Variants in MS4A4E observed in about 807,000 individuals in gnomAD.
The protein encoded by MS4A4E is membrane spanning 4-domains A4E, also known as putative membrane-spanning 4-domains subfamily A member 4E.
A neutral mutation model predicts 13.3 loss-of-function variants in MS4A4E; 23 were observed. That is an observed-to-expected ratio of 1.73 (90% CI 1.25 to 2.45). The LOEUF (loss-of-function observed/expected upper bound fraction) is 2.45. Ranked by LOEUF, MS4A4E falls within the 30% of genes most tolerant of loss-of-function variation. The pLI, the probability that MS4A4E is intolerant of heterozygous loss-of-function variation, is 0.00. For missense variants in MS4A4E, 144 were observed against 131.2 expected (o/e 1.10, Z -0.48); for synonymous variants, 36 against 45.6 (o/e 0.79, Z 0.85).
At chr11:60,215,995 A>T (rs1429841612) in intron 3 of MS4A4E, among the ~76,000 whole-genome samples, 4 of 152,172 alleles carry the variant, frequency 2.6e-5, no homozygotes, top group Non-Finnish European at 5.9e-5. Flanking sequence ...CTTAACAAAG[A>T]ATGTGAAACA....
rs1437263462 is a variant in MS4A4E at position 60,201,571 on chromosome 11, C to T, written c.968G>A (p.Ser323Asn). The stretch of plus-strand genomic sequence containing the variant: ...GAAGATGGGCGGCCGGGCGGAGACA[C>T]TCCTCACCTCCCAGATGGGATGGTG... ...PGHHPIWEVR[S>N]VSARPPIF Residue 323 changes from serine to asparagine, a missense_variant, in exon 9 of 9, where the codon AGT becomes AAT. By Grantham distance (46) the Ser-to-Asn change is conservative. This residue lies in a region of MS4A4E where 21 missense variants were observed against 25.1 expected (regional missense o/e 0.84). Transcript: ENST00000651255. 1 of 321,390 alleles carries T rather than the reference C, an allele frequency of 3.1e-6. No homozygotes were observed. Among genetic ancestry groups the T allele is most frequent in the African/African-American group, 2.3e-5 (1 of 43,360 alleles). The allele number at this position is 321,390 out of a possible 1,614,324, so 19.9% of individuals were successfully genotyped here. A position where few individuals can be genotyped will look rare whatever the true frequency, so the allele number is the denominator to read the frequency against.
At chr11:60,211,846 G>C (rs1048502785) in intron 5 of MS4A4E, among the ~76,000 whole-genome samples, 11 of 152,180 alleles carry the variant, frequency 7.2e-5, no homozygotes, top group African/African-American at 2.7e-4. Context: ...CCAGGAGGTG[G>C]AGTTTGCAAT....
chr11:60,230,031 G>C lies in MS4A4E; in HGVS notation c.25C>G (p.Gln9Glu), dbSNP rs2084389099. 6.2e-7 allele frequency: 1 copy of C among 1,600,458 alleles called. No homozygotes were observed. The highest frequency in any genetic ancestry group is 1.4e-5 in the African/African-American group (1 of 73,924). The change falls in exon 2 of 9, where the codon CAG (glutamine) becomes GAG (glutamate). Residue 9 changes from glutamine (Q) to glutamate (E), a missense_variant. By Grantham distance (29) the Gln-to-Glu change is conservative. Around this residue, in one of 3 missense-constraint regions of MS4A4E, gnomAD observed 119 missense variants for 88.7 expected, o/e 1.34. Coordinates refer to ENST00000651255, the MANE Select transcript of MS4A4E (RefSeq NM_001393391.1). ...TCAGGGCCAGCCCCTGGAGTGGTCT[G>C]TTCCATTCCTTGCATGGTTGTCATG... is the stretch of plus-strand genomic sequence containing the variant. Reference protein sequence around the residue: MTTMQGMEQTTPGAGPDVP... With the variant: MTTMQGMEETTPGAGPDVP...
In MS4A4E at chr11:60,221,556, G is replaced by T. The variant is rs11826436; in HGVS notation, c.179-6942C>A. Among the ~76,000 whole-genome samples the T allele has an allele frequency of 6.5e-3, 989 of 152,304 alleles. 10 individuals carry two copies. Among genetic ancestry groups the T allele is most frequent in the African/African-American group, 0.023 (940 of 41,562 alleles). On this transcript the variant is annotated intron_variant, in intron 3 of 8. Coordinates refer to ENST00000651255, the MANE Select transcript of MS4A4E (RefSeq NM_001393391.1). ...GCTGCAGCACTACAGCCCCTTCCTA[G>T]GACATCCCTGAAGGACAGCGGTGAA...
rs373964314 is a variant in MS4A4E, at chr11:60,232,397, G to A, written c.-16-2326C>T. Among the ~76,000 whole-genome samples the A allele has an allele frequency of 1.1e-4, 16 of 151,670 alleles. No individual in the cohort carries two copies. In the East Asian group the frequency reaches 1.5e-3, roughly 15 times the overall value. On this transcript the variant is annotated intron_variant, in intron 1 of 8. Transcript: ENST00000651255. ...TCCAGAAAACAGCAAAGGAGTAGCA[G>A]AAATCTTGTAGAGCACAGAAACCCA...
At chr11:60,203,728 G>A (rs1393974556) in intron 8 of MS4A4E, among the ~76,000 whole-genome samples, 1 of 152,154 alleles carries the variant, frequency 6.6e-6, no homozygotes, top group Non-Finnish European at 1.5e-5. Context: ...CAGCCTGGGT[G>A]ACAGAGCCAG....
At chr11:60,233,008 C>A (rs143993634) in intron 1 of MS4A4E, among the ~76,000 whole-genome samples, 3 of 152,210 alleles carry the variant, frequency 2.0e-5, no homozygotes, top group East Asian at 3.9e-4. Flanking sequence ...GTCACCCCAC[C>A]ATCCAGGCAA....
At chr11:60,209,450 C>T (rs1295894322) in intron 5 of MS4A4E, among the ~76,000 whole-genome samples, 1 of 152,168 alleles carries the variant, frequency 6.6e-6, no homozygotes, top group African/African-American at 2.4e-5. Flanking sequence ...TACGGCCTTG[C>T]CCACACTGAT....
chr11:60,236,137 T>C (rs921715242), intron 1 of MS4A4E, among the ~76,000 whole-genome samples: 1 of 152,242 alleles, frequency 6.6e-6, no homozygotes, highest in Non-Finnish European at 1.5e-5. Context: ...TAGACAATTT[T>C]ATTCAATTCT....
intron 1 of MS4A4E, among the ~76,000 whole-genome samples, chr11:60,230,518 G>T (rs901011962): frequency 6.6e-6 from 1 of 152,076 alleles, no homozygotes; most frequent in Non-Finnish European, 1.5e-5. Context: ...TATAACCAAA[G>T]CACAGCTAAA....
chr11:60,205,754 C>G lies in MS4A4E; in HGVS notation c.550G>C (p.Gly184Arg), dbSNP rs897416657. Residue 184 changes from glycine (G) to arginine (R), a missense_variant, in exon 7 of 9, where the codon GGA becomes CGA. Transcript: ENST00000651255. ...YLLSIQMQYD[G>R]KRLNVDVDST... ...TCGACATCAACATTTAGTCTCTTTCCATCATATTGCATCTGAATAGAAAGG... is the reference window on the plus strand; with the variant it reads ...TCGACATCAACATTTAGTCTCTTTCGATCATATTGCATCTGAATAGAAAGG... Among the ~76,000 whole-genome samples, 3 of 152,172 alleles carry G rather than the reference C, an allele frequency of 2.0e-5. No homozygotes were observed. The highest frequency in any genetic ancestry group is 4.8e-5 in the African/African-American group (2 of 41,444).
At chr11:60,236,161 A>G (rs2084479761) in intron 1 of MS4A4E, among the ~76,000 whole-genome samples, 1 of 152,144 alleles carries the variant, frequency 6.6e-6, no homozygotes, top group Non-Finnish European at 1.5e-5. Context: ...CCATTGTTCT[A>G]TATGTCTGTC....
chr11:60,237,654 G>A (rs1044812487), intron 1 of MS4A4E, among the ~76,000 whole-genome samples: 3 of 152,158 alleles, frequency 2.0e-5, no homozygotes, highest in Non-Finnish European at 4.4e-5. Context: ...TCTGATTGGT[G>A]TAAGGGGGCA....
chr11:60,216,212 A>T (rs1201596642), intron 3 of MS4A4E, among the ~76,000 whole-genome samples: 1 of 152,196 alleles, frequency 6.6e-6, no homozygotes, highest in East Asian at 1.9e-4. Flanking sequence ...TGCCTACAAG[A>T]GTCTGAGTGA....
At chr11:60,223,107 C>T (rs900149595) in intron 3 of MS4A4E, among the ~76,000 whole-genome samples, 2 of 151,934 alleles carry the variant, frequency 1.3e-5, no homozygotes, top group African/African-American at 2.4e-5. Context: ...AATACAGAAT[C>T]GGTGGTAGAA....
At chr11:60,213,413 T>C (rs1022821668) in intron 4 of MS4A4E, 1 of 998,932 alleles carries the variant, frequency 1.0e-6, no homozygotes, top group African/African-American at 1.6e-5. Context: ...CAGTCATGTC[T>C]GTGTCCTTCC....
Position 60,200,725 on chromosome 11 carries a change from A to T in MS4A4E, c.*818T>A, listed in dbSNP as rs1187785166. On this transcript the variant is annotated 3_prime_UTR_variant, in exon 9 of 9. Transcript: ENST00000651255. ...AGACAAGGCAACCATCCGATTTCTC[A>T]ATCTTTTCCCCACCTTTCCCCCCTT... is the stretch of plus-strand genomic sequence containing the variant. 6.6e-6 allele frequency among the ~76,000 whole-genome samples: 1 copy of T among 152,210 alleles called. No individual in the cohort carries two copies. Among genetic ancestry groups the T allele is most frequent in the African/African-American group, 2.4e-5 (1 of 41,460 alleles).
intron 1 of MS4A4E, among the ~76,000 whole-genome samples, chr11:60,242,566 T>G (rs765610944): frequency 1.3e-5 from 2 of 152,082 alleles, no homozygotes; most frequent in Non-Finnish European, 2.9e-5. Flanking sequence ...AAATAACCAG[T>G]CAGAGACAAA....
intron 2 of MS4A4E, 107 bp from the exon 3 acceptor site, chr11:60,228,734 A>G: frequency 3.7e-6 from 2 of 547,600 alleles, no homozygotes; most frequent in Non-Finnish European, 6.4e-6. Context: ...GTACCTCTAG[A>G]CAATGAAATA....
Sources: allele counts gnomAD v4.1 joint callset (sites outside exome capture counted in the v4.1 genomes callset), GRCh38; gene constraint gnomAD v4.1.1; regional missense constraint gnomAD v4.1.1; transcripts MANE v1.5; gene names NCBI Gene and HGNC (gene_info 2026-07-23, HGNC 2026-07-21).